MGAT4C: variants seen among roughly 807,000 people sequenced by gnomAD.
MGAT4C encodes the protein alpha-1,3-mannosyl-glycoprotein 4-beta-N-acetylglucosaminyltransferase C.
In MGAT4C, 19 loss-of-function variants were observed where a neutral mutation model predicts 40.1. That is an observed-to-expected ratio of 0.47 (90% confidence interval 0.33 to 0.70). The LOEUF (loss-of-function observed/expected upper bound fraction) is 0.70, where lower values mean the gene tolerates loss of function less well. Ranked by LOEUF, MGAT4C falls within the 30% of genes least tolerant of loss-of-function variation. MGAT4C has a pLI of 0.02. For synonymous variants in MGAT4C, 181 were observed against 187.1 expected (o/e 0.97, Z 0.27); for missense variants, 491 against 563.2 (o/e 0.87, Z 1.30).
intron 4 of MGAT4C, among the ~76,000 whole-genome samples, chr12:86,319,644 C>A (rs550367130): frequency 6.6e-6 from 1 of 152,168 alleles, no homozygotes; most frequent in Non-Finnish European, 1.5e-5. Flanking sequence ...GATGTTGTCT[C>A]TATTTCTGCT....
intron 1 of MGAT4C, among the ~76,000 whole-genome samples, chr12:86,191,522 T>C (rs1335217490): frequency 6.6e-6 from 1 of 151,550 alleles, no homozygotes; most frequent in Non-Finnish European, 1.5e-5. Context: ...CTAATTGTTC[T>C]GGACAAAGTG....
intron 2 of MGAT4C, among the ~76,000 whole-genome samples, chr12:86,005,984 C>A (rs1198929760): frequency 6.6e-6 from 1 of 152,014 alleles, no homozygotes; most frequent in African/African-American, 2.4e-5. Flanking sequence ...TTCCAGTATC[C>A]GTCTACAACT....
At chr12:86,185,589 C>T (rs1593176091) in intron 1 of MGAT4C, among the ~76,000 whole-genome samples, 1 of 152,114 alleles carries the variant, frequency 6.6e-6, no homozygotes, top group Non-Finnish European at 1.5e-5. Flanking sequence ...CTGCCCCATT[C>T]TAATTGTGGA....
intron 1 of MGAT4C, among the ~76,000 whole-genome samples, chr12:86,803,339 C>G (rs1419638516): frequency 3.3e-5 from 5 of 151,776 alleles, no homozygotes; most frequent in African/African-American, 9.7e-5. Flanking sequence ...CATTACCATT[C>G]AGGACATAGG....
At chr12:86,559,015 G>C (rs1269411774) in intron 2 of MGAT4C, among the ~76,000 whole-genome samples, 1 of 151,732 alleles carries the variant, frequency 6.6e-6, no homozygotes, top group Non-Finnish European at 1.5e-5. Context: ...CTATGCAATT[G>C]GAAACCAAAT....
intron 1 of MGAT4C, among the ~76,000 whole-genome samples, chr12:86,169,581 G>A (rs1886578688): frequency 6.6e-6 from 1 of 151,876 alleles, no homozygotes; most frequent in African/African-American, 2.4e-5. Flanking sequence ...TTTACCTTTG[G>A]GTACTCCATT....
At chr12:86,751,477 A>C (rs1422516519) in intron 1 of MGAT4C, among the ~76,000 whole-genome samples, 1 of 152,022 alleles carries the variant, frequency 6.6e-6, no homozygotes, top group Admixed American at 6.6e-5. Context: ...AAAACTATTG[A>C]AATTTTAGCT....
intron 3 of MGAT4C, among the ~76,000 whole-genome samples, chr12:86,400,959 C>A (rs2897269): frequency 6.6e-6 from 1 of 152,046 alleles, no homozygotes; most frequent in Admixed American, 6.6e-5. Context: ...AGAATGATCT[C>A]ACAGAAAATT....
intron 1 of MGAT4C, among the ~76,000 whole-genome samples, chr12:86,769,425 A>T (rs951596411): frequency 2.0e-5 from 3 of 152,126 alleles, no homozygotes; most frequent in African/African-American, 4.8e-5. Flanking sequence ...TGGGATTGTA[A>T]ACTAGTTCAA....
At chr12:86,313,781 AATATT>A (rs1366335989) in intron 4 of MGAT4C, among the ~76,000 whole-genome samples, 1 of 152,204 alleles carries the variant, frequency 6.6e-6, no homozygotes, top group Non-Finnish European at 1.5e-5. Flanking sequence ...GCTGGTGACA[AATATT>A]AGTATTAAAT....
chr12:86,433,340 G>A (rs1337276534), intron 3 of MGAT4C, among the ~76,000 whole-genome samples: 4 of 103,956 alleles, frequency 3.8e-5, no homozygotes, highest in East Asian at 5.9e-4. Context: ...ACACACACAC[G>A]TGTATGTGTG....
intron 1 of MGAT4C, among the ~76,000 whole-genome samples, chr12:86,084,507 T>C (rs1871380293): frequency 6.6e-6 from 1 of 152,122 alleles, no homozygotes; most frequent in South Asian, 2.1e-4. Context: ...CTTTTTGCCA[T>C]GTATATTATG....
chr12:86,685,488 T>G (rs761841445), intron 2 of MGAT4C, among the ~76,000 whole-genome samples: 5 of 152,168 alleles, frequency 3.3e-5, no homozygotes, highest in Non-Finnish European at 5.9e-5. Flanking sequence ...TTGTTCTTTT[T>G]GCTTAGGATT....
At chr12:86,498,304 G>A (rs973441111) in intron 2 of MGAT4C, among the ~76,000 whole-genome samples, 1 of 151,604 alleles carries the variant, frequency 6.6e-6, no homozygotes, top group Non-Finnish European at 1.5e-5. Context: ...TTTGAACTAT[G>A]TAGGTTCACT....
intron 2 of MGAT4C, among the ~76,000 whole-genome samples, chr12:86,461,558 A>G (rs1957602690): frequency 6.6e-6 from 1 of 152,094 alleles, no homozygotes; most frequent in African/African-American, 2.4e-5. Context: ...TCTTCTTACT[A>G]ATAGTTATAT....
chr12:86,056,476 A>G (rs1325350403), intron 1 of MGAT4C, among the ~76,000 whole-genome samples: 1 of 152,174 alleles, frequency 6.6e-6, no homozygotes, highest in Non-Finnish European at 1.5e-5. Context: ...GAGTGAGAAC[A>G]TGCAGTGTTT....
At chr12:86,497,821 T>A (rs919244947) in intron 2 of MGAT4C, among the ~76,000 whole-genome samples, 2 of 149,974 alleles carry the variant, frequency 1.3e-5, no homozygotes, top group Admixed American at 6.7e-5. Context: ...TATAGCTCTA[T>A]GCAAATTCTT....
chr12:86,075,116 TTC>T (rs766796470), intron 1 of MGAT4C, among the ~76,000 whole-genome samples: 3 of 152,188 alleles, frequency 2.0e-5, no homozygotes, highest in African/African-American at 7.2e-5. Context: ...GGCAAGTTGC[TTC>T]CACCTATGAG....
chr12:86,096,939 C>G (rs1044097375), intron 1 of MGAT4C, among the ~76,000 whole-genome samples: 12 of 151,336 alleles, frequency 7.9e-5, no homozygotes, highest in African/African-American at 2.9e-4. Context: ...TTTAATATCT[C>G]GGACTTAGTT....
Sources: allele counts gnomAD v4.1 joint callset (sites outside exome capture counted in the v4.1 genomes callset), GRCh38; gene constraint gnomAD v4.1.1; transcripts MANE v1.5; gene names NCBI Gene and HGNC (gene_info 2026-07-23, HGNC 2026-07-21).